Variants in LRWD1 observed in about 807,000 individuals in gnomAD.
LRWD1 encodes leucine-rich repeat and WD repeat-containing protein 1.
A neutral mutation model predicts 75.6 loss-of-function variants in LRWD1; 76 were observed. The observed-to-expected ratio is 1.01, with a 90% CI of 0.84 to 1.22. The LOEUF is 1.22. Among genes scored for constraint, LRWD1 ranks in the 50% most tolerant of loss-of-function variants. The probability of loss-of-function intolerance (pLI) is 0.00; values close to 1 mark genes in which losing one functional copy is unlikely to be tolerated. For missense variants in LRWD1, 917 were observed against 862.0 expected (o/e 1.06, Z -0.80); for synonymous variants, 487 against 377.0 (o/e 1.29, Z -3.38).
Position 102,472,273 on chromosome 7 carries a change from G to C in LRWD1, c.1498G>C (p.Val500Leu), listed in dbSNP as rs1341394819. 3 of 1,592,366 alleles carry C rather than the reference G, an allele frequency of 1.9e-6. No homozygotes were observed. Among genetic ancestry groups the C allele is most frequent in the Admixed American group, 3.5e-5 (2 of 57,330 alleles). The change falls in exon 12 of 15, where the codon GTG becomes CTG. Residue 500 changes from valine (V) to leucine (L), a missense_variant. Coordinates refer to ENST00000292616, the MANE Select transcript of LRWD1 (RefSeq NM_152892.3). ...SEGSEASGRR[V>L]DGLAFVNEDI... ...GGGCTCCGAGGCATCTGGACGGAGA[G>C]TGGATGGGCTGGCATTTGTGAATGA... is the stretch of plus-strand genomic sequence containing the variant.
In LRWD1 at chr7:102,473,078, A is replaced by G. The variant is rs2133277749; in HGVS notation, c.*29A>G. Reference sequence around the variant, plus strand: ...CACACCATCGCAAAGGACCAGGGACACAGCTAACTAACTTATTCAGCTTTG... The same window carrying G: ...CACACCATCGCAAAGGACCAGGGACGCAGCTAACTAACTTATTCAGCTTTG... On this transcript the variant is annotated 3_prime_UTR_variant, in exon 15 of 15. Coordinates refer to ENST00000292616, the MANE Select transcript of LRWD1 (RefSeq NM_152892.3). 6.3e-7 allele frequency: 1 copy of G among 1,579,694 alleles called. No individual in the cohort carries two copies. The highest frequency in any genetic ancestry group is 8.6e-7 in the Non-Finnish European group (1 of 1,160,804).
At chr7:102,465,746 A>T in intron 1 of LRWD1, 71 bp from the exon 2 acceptor site, 1 of 1,122,052 alleles carries the variant, frequency 8.9e-7, no homozygotes, top group Non-Finnish European at 1.3e-6. Context: ...AAGCCTTCTG[A>T]GGTACCCGGG....
Position 102,465,161 on chromosome 7 carries a change from G to GTC in LRWD1, c.80+2_80+3insCT. 6.7e-7 allele frequency: 1 copy of GTC among 1,503,092 alleles called. No individual in the cohort carries two copies. The highest frequency in any genetic ancestry group is 8.9e-7 in the Non-Finnish European group (1 of 1,129,514). The allele number at this position is 1,503,092 out of a possible 1,614,324, so 93.1% of individuals were successfully genotyped here. On this transcript the variant is annotated splice_donor_variant, in intron 1 of 14. Coordinates refer to ENST00000292616, the MANE Select transcript of LRWD1 (RefSeq NM_152892.3). LOFTEE classifies it high-confidence loss of function. Reference sequence around the variant, plus strand: ...GGCTGGGGAAGATCCGGAGTCTGGAGTAAGAGCCGGGCAGCGGGTGAGGCT... The same window carrying GTC: ...GGCTGGGGAAGATCCGGAGTCTGGAGTCTAAGAGCCGGGCAGCGGGTGAGGCT...
chr7:102,467,138 TA>T (rs1798016125), intron 3 of LRWD1, among the ~76,000 whole-genome samples, 200 bp from the exon 4 acceptor site: 5 of 131,570 alleles, frequency 3.8e-5, no homozygotes, highest in Admixed American at 1.5e-4. Context: ...TGTGTGTGTG[TA>T]GGCACCTGGG....
At position 102,467,397 on chromosome 7, in the gene LRWD1, A is replaced by G. The variant is rs768310536; in HGVS notation, c.491A>G (p.Lys164Arg). The change falls in exon 4 of 15, where the codon AAG becomes AGG. Residue 164 changes from lysine (K) to arginine (R), a missense_variant. Lys to Arg is a conservative substitution (Grantham distance 26). Coordinates refer to ENST00000292616, the MANE Select transcript of LRWD1 (RefSeq NM_152892.3). ...ATLGPEEEAEKAQADFVKSAV... is the reference protein window; with the variant it reads ...ATLGPEEEAERAQADFVKSAV... ...CTGGGTCCTGAAGAGGAGGCTGAGA[A>G]GGCCCAGGCGGACTTTGTGAAGTCG... 4.3e-6 allele frequency: 7 copies of G among 1,613,642 alleles called. No individual in the cohort carries two copies. The highest frequency in any genetic ancestry group is 5.1e-6 in the Non-Finnish European group (6 of 1,179,934).
At chr7:102,470,106 C>A in intron 11 of LRWD1, 1 of 549,312 alleles carries the variant, frequency 1.8e-6, no homozygotes, top group Non-Finnish European at 3.1e-6. Context: ...GCCATGATGA[C>A]CTCCCCTTCA....
At chr7:102,467,127 GTGTGTGTGTGTAGGCACCT>G (rs1798014927) in intron 3 of LRWD1, among the ~76,000 whole-genome samples, 193 bp from the exon 4 acceptor site, 7 of 121,742 alleles carry the variant, frequency 5.7e-5, no homozygotes, top group Admixed American at 3.3e-4. Context: ...GGGTGTGTGT[GTGTGTGTGTGTAGGCACCT>G]GGGTTGTTGC....
At chr7:102,469,461 C>T (rs933024564) in intron 9 of LRWD1, 113 bp from the exon 10 acceptor site, 35 of 1,235,244 alleles carry the variant, frequency 2.8e-5, no homozygotes, top group Non-Finnish European at 3.7e-5. Flanking sequence ...GGCCCGCCCT[C>T]CCCGCCTCGG....
At position 102,472,479 on chromosome 7, in the gene LRWD1, C is replaced by A. The variant is rs557298627; in HGVS notation, c.1560C>A (p.Thr520=). Residue 520 remains threonine, a synonymous_variant, in exon 13 of 15, where the codon ACC becomes ACA. Coordinates refer to ENST00000292616, the MANE Select transcript of LRWD1 (RefSeq NM_152892.3). ...CCTCCAAGGGGAGCGGCCTGGGCAC[C>A]ATCTGCCTGTGGAGCTGGAGGCAGA... ...IVASKGSGLG[T]ICLWSWRQTW... is the part of the protein sequence containing the mutation. 3 of 1,540,448 alleles carry A rather than the reference C, an allele frequency of 1.9e-6. No homozygotes were observed. Among genetic ancestry groups the A allele is most frequent in the African/African-American group, 1.4e-5 (1 of 73,146 alleles).
intron 1 of LRWD1, 80 bp downstream of exon 1, chr7:102,465,240 C>T: frequency 7.9e-7 from 1 of 1,268,016 alleles, no homozygotes; most frequent in Non-Finnish European, 1.0e-6. Context: ...CCCCAACGGC[C>T]CGCTTGTCCC....
chr7:102,467,719 G>T lies in LRWD1; in HGVS notation c.574G>T (p.Val192Leu). 1 of 1,551,552 alleles carries T rather than the reference G, an allele frequency of 6.4e-7. No homozygotes were observed. Among genetic ancestry groups the T allele is most frequent in the Non-Finnish European group, 8.7e-7 (1 of 1,147,010 alleles). ...ESLSEFTQWR[V>L]RMISEELVAA... is the part of the protein sequence containing the mutation. ...TTCCTGATGGCCTGGCCCCACCCAGGTGCGGATGATCTCTGAGGAGCTGGT... is the reference window on the plus strand; with the variant it reads ...TTCCTGATGGCCTGGCCCCACCCAGTTGCGGATGATCTCTGAGGAGCTGGT... Residue 192 changes from valine to leucine, a missense_variant and splice_region_variant, in exon 5 of 15, where the codon GTG becomes TTG. Val to Leu is a conservative substitution (Grantham distance 32, BLOSUM62 1). Coordinates refer to ENST00000292616, the MANE Select transcript of LRWD1 (RefSeq NM_152892.3).
At chr7:102,466,395 T>C in intron 3 of LRWD1, 125 bp downstream of exon 3, 1 of 696,112 alleles carries the variant, frequency 1.4e-6, no homozygotes, top group East Asian at 2.7e-5. Context: ...CAACAGCCCC[T>C]AGCCTGATGT....
chr7:102,465,625 G>C, intron 1 of LRWD1, 192 bp from the exon 2 acceptor site: 1 of 568,642 alleles, frequency 1.8e-6, no homozygotes, highest in South Asian at 2.0e-5. Flanking sequence ...GTTGGAGGCA[G>C]CTGTGAGCTA....
At chr7:102,468,010 A>G in intron 5 of LRWD1, 52 bp from the exon 6 acceptor site, 1 of 1,585,660 alleles carries the variant, frequency 6.3e-7, no homozygotes, top group South Asian at 1.1e-5. Flanking sequence ...TGTGATGGGG[A>G]GGAAGGAAGC....
chr7:102,465,572 A>G, intron 1 of LRWD1: 2 of 330,304 alleles, frequency 6.1e-6, no homozygotes, highest in East Asian at 1.1e-4. Flanking sequence ...TTCTAGTCCC[A>G]GCTACTCGAG....
At position 102,472,818 on chromosome 7, in the gene LRWD1, C is replaced by CACCCTGCCCAGGCTT; in HGVS notation, c.1803+15_1803+29dup. ...GCCCCCACACAGGTACTGCCCGGCT[C>CACCCTGCCCAGGCTT]ACCCTGCCCAGGCTTGGGCTGGCAA... On this transcript the variant is annotated intron_variant, in intron 14 of 14. Coordinates refer to ENST00000292616, the MANE Select transcript of LRWD1 (RefSeq NM_152892.3). The CACCCTGCCCAGGCTT allele has an allele frequency of 1.2e-6, 2 of 1,613,070 alleles. No homozygotes were observed. Among genetic ancestry groups the CACCCTGCCCAGGCTT allele is most frequent in the Non-Finnish European group, 1.7e-6 (2 of 1,179,710 alleles).
In LRWD1 at chr7:102,473,086, C is replaced by CT. The variant is rs2133277812; in HGVS notation, c.*38dup. 6.3e-7 allele frequency: 1 copy of CT among 1,577,600 alleles called. No homozygotes were observed. Among genetic ancestry groups the CT allele is most frequent in the Non-Finnish European group, 8.6e-7 (1 of 1,157,352 alleles). ...CGCAAAGGACCAGGGACACAGCTAACTAACTTATTCAGCTTTGGGCCGATG... is the reference window on the plus strand; with the variant it reads ...CGCAAAGGACCAGGGACACAGCTAACTTAACTTATTCAGCTTTGGGCCGATG... On this transcript the variant is annotated 3_prime_UTR_variant, in exon 15 of 15. Transcript: ENST00000292616.
In LRWD1 at chr7:102,469,071, C is replaced by G. The variant is rs771903196; in HGVS notation, c.1228+9C>G. On this transcript the variant is annotated intron_variant, in intron 9 of 14. Coordinates refer to ENST00000292616, the MANE Select transcript of LRWD1 (RefSeq NM_152892.3). ...CGAGACCCATCTCTTCAGTAAGCCC[C>G]TCCCCTTCACCCCTGGGACCCCCAA... is the stretch of plus-strand genomic sequence containing the variant. 3.1e-6 allele frequency: 5 copies of G among 1,588,066 alleles called. No individual in the cohort carries two copies. The South Asian group carries it at 4.5e-5, about 14-fold the overall frequency.
chr7:102,467,171 G>GGGGGGGTGT (rs1245223810), intron 3 of LRWD1, among the ~76,000 whole-genome samples, 168 bp from the exon 4 acceptor site: 2 of 99,116 alleles, frequency 2.0e-5, no homozygotes, highest in African/African-American at 8.8e-5. Flanking sequence ...GTGTGTGTGG[G>GGGGGGGTGT]GTGTGTGTGT....
Sources: allele counts gnomAD v4.1 joint callset (sites outside exome capture counted in the v4.1 genomes callset), GRCh38; gene constraint gnomAD v4.1.1; transcripts MANE v1.5; gene names NCBI Gene and HGNC (gene_info 2026-07-23, HGNC 2026-07-21).